LINGO2: variants seen among roughly 807,000 people sequenced by gnomAD.
The protein encoded by LINGO2 is leucine rich repeat and Ig domain containing 2, also known as leucine-rich repeat and immunoglobulin-like domain-containing nogo receptor-interacting protein 2.
A neutral mutation model predicts 30.6 loss-of-function variants in LINGO2; 14 were observed. That is an observed-to-expected ratio of 0.46 (90% CI 0.30 to 0.72). The LOEUF is 0.72. Among genes scored for constraint, LINGO2 ranks in the 30% least tolerant of loss-of-function variants. LINGO2 has a pLI of 0.07. For missense variants in LINGO2, 729 were observed against 751.7 expected (o/e 0.97, Z 0.35); for synonymous variants, 317 against 288.5 (o/e 1.10, Z -1.00).
intron 1 of LINGO2, among the ~76,000 whole-genome samples, chr9:28,624,354 A>T (rs1826555668): frequency 6.6e-6 from 1 of 151,832 alleles, no homozygotes; most frequent in African/African-American, 2.4e-5. Context: ...TTTTTTCTAT[A>T]TCTAGTTTTG....
chr9:29,064,451 T>A, the LINGO2 span, among the ~76,000 whole-genome samples: 4 of 152,114 alleles, frequency 2.6e-5, no homozygotes, highest in African/African-American at 9.7e-5. Flanking sequence ...TAGAATTATA[T>A]GTGACAGCAT....
Position 27,965,423 on chromosome 9 carries a change from GA to G in LINGO2, c.-35-14718del, listed in dbSNP as rs541881326. ...CCAGTAACGCTTCCTTTTAAAAATA[GA>G]AAAAAAAAAAACCCACACAATTTTC... is the stretch of plus-strand genomic sequence containing the variant. On this transcript the variant is annotated intron_variant, in intron 5 of 5. Coordinates refer to ENST00000379992, the Ensembl canonical transcript of LINGO2. 7.9e-3 allele frequency among the ~76,000 whole-genome samples: 1,097 copies of G among 138,176 alleles called. 9 individuals carry two copies. Among genetic ancestry groups the G allele is most frequent in the African/African-American group, 0.021 (823 of 38,528 alleles). The allele number at this position is 138,176 out of a possible 152,430, so 90.6% of individuals were successfully genotyped here. A position where few individuals can be genotyped will look rare whatever the true frequency, so the allele number is the denominator to read the frequency against.
chr9:28,484,712 G>C (rs1473102467), intron 1 of LINGO2, among the ~76,000 whole-genome samples: 2 of 152,090 alleles, frequency 1.3e-5, no homozygotes, highest in Admixed American at 1.3e-4. Flanking sequence ...CTTGTGACTA[G>C]TGACAAGGTC....
the LINGO2 span, among the ~76,000 whole-genome samples, chr9:28,986,932 A>G: frequency 6.6e-6 from 1 of 151,886 alleles, no homozygotes; most frequent in Non-Finnish European, 1.5e-5. Context: ...ATTTTATTTT[A>G]TTTTTTGTAG....
intron 1 of LINGO2, among the ~76,000 whole-genome samples, chr9:28,501,199 T>C (rs1819868753): frequency 6.6e-6 from 1 of 152,166 alleles, no homozygotes; most frequent in South Asian, 2.1e-4. Flanking sequence ...TGAAGTATCA[T>C]ACACAAATTG....
rs543923435 is a variant in LINGO2, at chr9:28,560,895, G to A, written c.-364-84870C>T. On this transcript the variant is annotated intron_variant, in intron 1 of 5. Coordinates refer to ENST00000379992, the Ensembl canonical transcript of LINGO2. Reference sequence around the variant, plus strand: ...TCTCCAAGTTGCTCAGGCTGGTCTCGAACTCCTGAGCTCAAGTGATCCACC... The same window carrying A: ...TCTCCAAGTTGCTCAGGCTGGTCTCAAACTCCTGAGCTCAAGTGATCCACC... 2.6e-5 allele frequency among the ~76,000 whole-genome samples: 4 copies of A among 151,978 alleles called. No individual in the cohort carries two copies. In the South Asian group the frequency reaches 8.3e-4, roughly 32 times the overall value.
chr9:28,945,043 G>T, the LINGO2 span, among the ~76,000 whole-genome samples: 1 of 152,050 alleles, frequency 6.6e-6, no homozygotes, highest in Non-Finnish European at 1.5e-5. Flanking sequence ...TGCTTATACT[G>T]GTGGCTGTCA....
the LINGO2 span, among the ~76,000 whole-genome samples, chr9:29,001,460 T>C: frequency 6.6e-6 from 1 of 151,930 alleles, no homozygotes; most frequent in Non-Finnish European, 1.5e-5. Flanking sequence ...ATAGATAAGA[T>C]CATAAAATAA....
At chr9:29,066,643 C>T in the LINGO2 span, among the ~76,000 whole-genome samples, 3 of 151,806 alleles carry the variant, frequency 2.0e-5, no homozygotes, top group African/African-American at 2.4e-5. Context: ...TTACAAGCAT[C>T]TAGTTAATAC....
chr9:28,596,831 T>C (rs1234359004), intron 1 of LINGO2, among the ~76,000 whole-genome samples: 1 of 152,128 alleles, frequency 6.6e-6, no homozygotes, highest in Non-Finnish European at 1.5e-5. Flanking sequence ...ACAAAGCAAG[T>C]TCTGCTCTTT....
chr9:28,879,699 A>C, the LINGO2 span, among the ~76,000 whole-genome samples: 3 of 152,306 alleles, frequency 2.0e-5, no homozygotes, highest in South Asian at 6.2e-4. Flanking sequence ...TGTCCCCCAG[A>C]GCTAACATGC....
chr9:28,019,250 C>A (rs927071855), intron 4 of LINGO2, among the ~76,000 whole-genome samples: 1 of 150,902 alleles, frequency 6.6e-6, no homozygotes, highest in Non-Finnish European at 1.5e-5. Context: ...CAAAGCTACA[C>A]ATATACTGCT....
intron 4 of LINGO2, among the ~76,000 whole-genome samples, chr9:28,183,422 A>AT (rs34031442): frequency 6.6e-5 from 10 of 151,750 alleles, no homozygotes; most frequent in African/African-American, 1.2e-4. Flanking sequence ...CCAGAAATTA[A>AT]TTTTTTTTTA....
At chr9:28,170,296 T>C (rs1182390383) in intron 4 of LINGO2, among the ~76,000 whole-genome samples, 1 of 152,188 alleles carries the variant, frequency 6.6e-6, no homozygotes, top group Non-Finnish European at 1.5e-5. Context: ...ATTACTTAAA[T>C]TAATACAAAA....
chr9:29,073,050 C>A, the LINGO2 span, among the ~76,000 whole-genome samples: 1 of 151,516 alleles, frequency 6.6e-6, no homozygotes, highest in South Asian at 2.1e-4. Context: ...CCCCTCCAAC[C>A]CCATCCTTGT....
At chr9:28,476,552 G>A (rs1825737853) in intron 1 of LINGO2, among the ~76,000 whole-genome samples, 1 of 152,228 alleles carries the variant, frequency 6.6e-6, no homozygotes, top group Admixed American at 6.5e-5. Flanking sequence ...TGGGATTACA[G>A]GCGTGAGCCA....
chr9:29,109,658 G>C, the LINGO2 span, among the ~76,000 whole-genome samples: 3 of 152,216 alleles, frequency 2.0e-5, no homozygotes, highest in African/African-American at 7.2e-5. Flanking sequence ...AAGTGAGTCA[G>C]TGAGCTTGGT....
At chr9:28,306,800 C>A (rs1282830371) in intron 3 of LINGO2, among the ~76,000 whole-genome samples, 1 of 152,152 alleles carries the variant, frequency 6.6e-6, no homozygotes, top group South Asian at 2.1e-4. Flanking sequence ...ACTACAAACA[C>A]CTCTACGCAA....
intron 4 of LINGO2, among the ~76,000 whole-genome samples, chr9:28,035,314 G>A (rs1049212423): frequency 4.6e-5 from 7 of 152,180 alleles, no homozygotes; most frequent in Admixed American, 2.6e-4. Context: ...TATTTTAGAT[G>A]ACATTACTTT....
Sources: gnomAD v4.1 joint callset for allele counts (sites outside exome capture counted in the v4.1 genomes callset) on GRCh38, gnomAD v4.1.1 for gene constraint, MANE v1.5 for transcripts, NCBI Gene and HGNC (gene_info 2026-07-23, HGNC 2026-07-21) for gene names.